Variants in GABRA3 observed in about 807,000 individuals in gnomAD.
The protein encoded by GABRA3 is gamma-aminobutyric acid type A receptor subunit alpha3.
A neutral mutation model predicts 30.1 loss-of-function variants in GABRA3; 10 were observed. The ratio of observed to expected loss-of-function variants is 0.33; its 90% CI spans 0.20 to 0.56. The LOEUF (loss-of-function observed/expected upper bound fraction) is 0.56, where lower values mean the gene tolerates loss of function less well. Ranked by LOEUF, GABRA3 falls within the 20% of genes least tolerant of loss-of-function variation. The probability of loss-of-function intolerance (pLI) is 0.89; values close to 1 mark genes in which losing one functional copy is unlikely to be tolerated. For missense variants in GABRA3, 233 were observed against 392.0 expected (o/e 0.59, Z 3.42); for synonymous variants, 151 against 146.8 (o/e 1.03, Z -0.21).
chrX:152,322,844 CTTTTTTTTTTTT>C (rs1172827692), intron 3 of GABRA3, among the ~76,000 whole-genome samples: 1 of 61,261 alleles, frequency 1.6e-5, no homozygotes. Context: ...AAAGTCTACT[CTTTTTTTTTTTT>C]TTTTTTTTTT....
intron 2 of GABRA3, among the ~76,000 whole-genome samples, chrX:152,346,878 G>A (rs762738476): frequency 2.7e-5 from 3 of 111,641 alleles, no homozygotes; most frequent in Non-Finnish European, 5.7e-5. Flanking sequence ...GGGAACCCTC[G>A]TACACTGTTG....
chrX:152,417,446 C>A (rs1045386544), intron 1 of GABRA3, among the ~76,000 whole-genome samples: 1 of 109,936 alleles, frequency 9.1e-6, no homozygotes, highest in African/African-American at 3.3e-5. Context: ...ATTAGTTCAA[C>A]CACTGTGGAA....
intron 1 of GABRA3, among the ~76,000 whole-genome samples, chrX:152,427,268 T>C (rs1020448946): frequency 8.9e-6 from 1 of 111,905 alleles, no homozygotes; most frequent in African/African-American, 3.2e-5. Context: ...CTCTATGACC[T>C]TGGAATAAGG....
At chrX:152,277,315 A>C (rs1461333204) in intron 4 of GABRA3, among the ~76,000 whole-genome samples, 2 of 111,299 alleles carry the variant, frequency 1.8e-5, no homozygotes, top group Non-Finnish European at 3.8e-5. Context: ...CATAATTTTC[A>C]TAAGCAGTTG....
chrX:152,350,674 G>T (rs1940465954), intron 2 of GABRA3, among the ~76,000 whole-genome samples: 2 of 111,430 alleles, frequency 1.8e-5, no homozygotes, highest in Non-Finnish European at 3.8e-5. Context: ...TTTATATTTT[G>T]ACCTGCTCCT....
chrX:152,439,734 C>T (rs182767011), intron 1 of GABRA3, among the ~76,000 whole-genome samples: 2 of 111,411 alleles, frequency 1.8e-5, no homozygotes, highest in Non-Finnish European at 3.8e-5. Flanking sequence ...GAATAAATTA[C>T]TCAGCAATAA....
intron 2 of GABRA3, among the ~76,000 whole-genome samples, chrX:152,348,070 G>A (rs900127855): frequency 2.7e-5 from 3 of 111,842 alleles, no homozygotes; most frequent in Admixed American, 1.9e-4. Flanking sequence ...TTGTTCTATG[G>A]TTTTATTCTT....
At chrX:152,315,966 C>A in intron 3 of GABRA3, among the ~76,000 whole-genome samples, 1 of 51,403 alleles carries the variant, frequency 1.9e-5, no homozygotes, top group Non-Finnish European at 3.7e-5. Flanking sequence ...TAGGCCCGCC[C>A]CCCGACCCCC....
At chrX:152,427,087 C>T (rs774717374) in intron 1 of GABRA3, among the ~76,000 whole-genome samples, 1 of 111,490 alleles carries the variant, frequency 9.0e-6, no homozygotes, top group African/African-American at 3.3e-5. Context: ...TTCTCCATCT[C>T]CTTTGGCACC....
chrX:152,324,207 A>C (rs977868743), intron 3 of GABRA3, among the ~76,000 whole-genome samples: 13 of 112,287 alleles, frequency 1.2e-4, no homozygotes, highest in Non-Finnish European at 2.3e-4. Flanking sequence ...TGTCATTATC[A>C]ATAGCTTGGG....
In GABRA3 at chrX:152,293,839, C is replaced by G. The variant is rs1024339268; in HGVS notation, c.263-9104G>C. On this transcript the variant is annotated intron_variant, in intron 3 of 9. Coordinates refer to ENST00000370314, the MANE Select transcript of GABRA3 (RefSeq NM_000808.4). ...AGGCCTGGTGGTGAAAAAAATCTCT[C>G]AGCATTTGCCTCTCTGTAAAGGATT... 3.6e-5 allele frequency among the ~76,000 whole-genome samples: 4 copies of G among 111,409 alleles called. No individual in the cohort carries two copies. In the East Asian group the frequency reaches 1.1e-3, roughly 31 times the overall value.
At chrX:152,353,066 GAAA>G (rs1166677816) in intron 2 of GABRA3, among the ~76,000 whole-genome samples, 1 of 101,287 alleles carries the variant, frequency 9.9e-6, no homozygotes, top group African/African-American at 3.6e-5. Context: ...GCTGCTTGAA[GAAA>G]AAAAAAAAGA....
chrX:152,218,295 C>G (rs1442177260), intron 6 of GABRA3, among the ~76,000 whole-genome samples: 1 of 110,602 alleles, frequency 9.0e-6, no homozygotes, highest in East Asian at 2.8e-4. Context: ...CCTTTTCTTA[C>G]TGATTTCTAA....
chrX:152,361,835 T>TA (rs923687344), intron 2 of GABRA3, among the ~76,000 whole-genome samples: 5 of 111,424 alleles, frequency 4.5e-5, no homozygotes, highest in African/African-American at 1.6e-4. Flanking sequence ...CTATTCTGTT[T>TA]AAAAAAATCC....
intron 2 of GABRA3, among the ~76,000 whole-genome samples, chrX:152,350,259 G>C (rs1157047114): frequency 1.0e-5 from 1 of 96,903 alleles, no homozygotes; most frequent in African/African-American, 3.9e-5. Flanking sequence ...TGAAACCAAC[G>C]AGAACAAAGA....
intron 6 of GABRA3, among the ~76,000 whole-genome samples, chrX:152,216,411 C>G (rs868031963): frequency 1.1e-5 from 1 of 87,894 alleles, no homozygotes; most frequent in Non-Finnish European, 2.0e-5. Context: ...CACACACACA[C>G]ACACACACAC....
intron 7 of GABRA3, among the ~76,000 whole-genome samples, chrX:152,199,787 T>C (rs919971303): frequency 9.0e-6 from 1 of 110,508 alleles, no homozygotes; most frequent in South Asian, 4.0e-4. Flanking sequence ...CACCGTGTTC[T>C]GTTGCTCTCT....
chrX:152,293,797 A>G (rs1392112618), intron 3 of GABRA3, among the ~76,000 whole-genome samples: 2 of 111,149 alleles, frequency 1.8e-5, no homozygotes. Flanking sequence ...TGCTTCCTTC[A>G]GGAGCTCTTG....
chrX:152,277,872 G>T (rs1939116421), intron 4 of GABRA3, among the ~76,000 whole-genome samples: 1 of 111,528 alleles, frequency 9.0e-6, no homozygotes, highest in African/African-American at 3.3e-5. Context: ...AACACTGTTC[G>T]ATGTGTCAAA....
Sources: allele counts gnomAD v4.1 joint callset (sites outside exome capture counted in the v4.1 genomes callset), GRCh38; gene constraint gnomAD v4.1.1; transcripts MANE v1.5; gene names NCBI Gene and HGNC (gene_info 2026-07-23, HGNC 2026-07-21).